The following MED15 variants were observed in gnomAD, a reference collection of about 807,000 sequenced individuals.
The protein encoded by MED15 is mediator of RNA polymerase II transcription subunit 15.
A neutral mutation model predicts 118.7 loss-of-function variants in MED15; 41 were observed. The observed-to-expected ratio is 0.35, with a 90% CI of 0.27 to 0.45. MED15 has a LOEUF of 0.45. MED15 is among the 20% of genes least tolerant of loss of function. The pLI, the probability that MED15 is intolerant of heterozygous loss-of-function variation, is 1.00. For synonymous variants in MED15, 436 were observed against 413.9 expected (o/e 1.05, Z -0.65); for missense variants, 740 against 1,025.5 (o/e 0.72, Z 3.80).
At chr22:20,580,779 C>T (rs144909947) in intron 9 of MED15, among the ~76,000 whole-genome samples, 6 of 152,306 alleles carry the variant, frequency 3.9e-5, no homozygotes, top group East Asian at 3.9e-4. Context: ...ACCCCAGCAC[C>T]GTGAATGCAC....
intron 2 of MED15, among the ~76,000 whole-genome samples, chr22:20,548,093 T>G (rs1300115011): frequency 3.3e-5 from 5 of 152,146 alleles, no homozygotes; most frequent in Non-Finnish European, 7.4e-5. Flanking sequence ...TACTCCTACT[T>G]TATCCTTCCA....
intron 8 of MED15, among the ~76,000 whole-genome samples, chr22:20,568,960 C>A (rs142423340): frequency 4.4e-4 from 67 of 152,300 alleles, no homozygotes; most frequent in Admixed American, 3.4e-3. Flanking sequence ...TTCTCCTCAC[C>A]TCTCATCTTC....
chr22:20,551,725 TG>T (rs1450315899), intron 3 of MED15: 2 of 572,878 alleles, frequency 3.5e-6, no homozygotes, highest in Non-Finnish European at 6.2e-6. Context: ...GTCCTCAAAG[TG>T]GTCTAAACGG....
chr22:20,515,662 C>T (rs2054224198), intron 1 of MED15, among the ~76,000 whole-genome samples: 1 of 151,490 alleles, frequency 6.6e-6, no homozygotes, highest in Non-Finnish European at 1.5e-5. Context: ...TGGTGGCGGG[C>T]ACCTGTAGTC....
intron 3 of MED15, chr22:20,552,706 C>G: frequency 3.3e-6 from 1 of 305,244 alleles, no homozygotes; most frequent in East Asian, 1.1e-4. Context: ...GTTTCCTCAT[C>G]TAGGTAACAG....
chr22:20,563,700 T>C (rs1328726190), intron 5 of MED15, among the ~76,000 whole-genome samples: 1 of 152,206 alleles, frequency 6.6e-6, no homozygotes, highest in Admixed American at 6.5e-5. Context: ...AATGTTACCA[T>C]TGGAGGAAAC....
At chr22:20,530,951 C>G (rs948346966) in intron 1 of MED15, among the ~76,000 whole-genome samples, 5 of 152,156 alleles carry the variant, frequency 3.3e-5, no homozygotes, top group Admixed American at 3.3e-4. Context: ...AGGTTGTTGC[C>G]TGACTTATTT....
At chr22:20,586,348 A>G (rs1488642961) in intron 17 of MED15, among the ~76,000 whole-genome samples, 2 of 152,122 alleles carry the variant, frequency 1.3e-5, no homozygotes, top group Admixed American at 1.3e-4. Context: ...TGGGTCCCCA[A>G]GGTTGTTAGA....
intron 8 of MED15, among the ~76,000 whole-genome samples, chr22:20,571,475 C>A (rs1180346012): frequency 6.6e-6 from 1 of 152,232 alleles, no homozygotes; most frequent in African/African-American, 2.4e-5. Context: ...GCAGAGGAGC[C>A]TTGTAGTTTC....
At chr22:20,527,162 C>T (rs2054673883) in intron 1 of MED15, among the ~76,000 whole-genome samples, 1 of 152,026 alleles carries the variant, frequency 6.6e-6, no homozygotes, top group Non-Finnish European at 1.5e-5. Context: ...TGAGTCATTT[C>T]AGGGGAATCT....
Position 20,535,779 on chromosome 22 carries a change from G to T in MED15, c.69-1338G>T, listed in dbSNP as rs775883483. Among the ~76,000 whole-genome samples, 20 of 151,036 alleles carry T rather than the reference G, an allele frequency of 1.3e-4. No individual in the cohort carries two copies. The East Asian group carries it at 1.6e-3, about 12-fold the overall frequency. On this transcript the variant is annotated intron_variant, in intron 1 of 17. Transcript: ENST00000263205. ...TTTCACTGTGTTAGCCAGGATGGTC[G>T]TGCTCGCCTGACCTCGTGATCTGCC...
intron 6 of MED15, among the ~76,000 whole-genome samples, 170 bp downstream of exon 6, chr22:20,564,858 C>T (rs2056378626): frequency 6.6e-6 from 1 of 152,204 alleles, no homozygotes; most frequent in South Asian, 2.1e-4. Context: ...AGGCCGGGCC[C>T]AGTGGCTCAT....
At chr22:20,556,772 C>T (rs2056028508) in intron 5 of MED15, among the ~76,000 whole-genome samples, 1 of 152,220 alleles carries the variant, frequency 6.6e-6, no homozygotes, top group African/African-American at 2.4e-5. Context: ...CGCGCCCTCC[C>T]TCCAGCCTTA....
chr22:20,535,841 G>A (rs968195130), intron 1 of MED15, among the ~76,000 whole-genome samples: 2 of 149,064 alleles, frequency 1.3e-5, no homozygotes, highest in Non-Finnish European at 3.0e-5. Context: ...CTACAGGCGT[G>A]AGCCACCGTG....
chr22:20,534,010 C>T (rs553220321), intron 1 of MED15, among the ~76,000 whole-genome samples: 11 of 152,156 alleles, frequency 7.2e-5, no homozygotes, highest in Non-Finnish European at 1.3e-4. Context: ...CGGCCAGTAG[C>T]AGCTCAAAAG....
At chr22:20,582,479 G>C in intron 9 of MED15, 132 bp from the exon 10 acceptor site, 1 of 1,381,698 alleles carries the variant, frequency 7.2e-7, no homozygotes, top group Non-Finnish European at 9.8e-7. Context: ...TGTCCAGGTG[G>C]CATTTGGATG....
intron 13 of MED15, chr22:20,583,596 A>G (rs1037497410): frequency 3.0e-5 from 18 of 609,994 alleles, no homozygotes; most frequent in African/African-American, 7.4e-5. Flanking sequence ...CCTTTGCCCT[A>G]TTCCTGGCTG....
chr22:20,534,673 G>A (rs2054991647), intron 1 of MED15, among the ~76,000 whole-genome samples: 2 of 152,206 alleles, frequency 1.3e-5, no homozygotes, highest in Non-Finnish European at 2.9e-5. Flanking sequence ...ACTTCTTGGG[G>A]CCTAGCAGCT....
At position 20,568,526 on chromosome 22, in the gene MED15, A is replaced by G. The variant is rs779384300; in HGVS notation, c.1047A>G (p.Arg349=). Residue 349 remains arginine, a synonymous_variant, in exon 8 of 18, where the codon CGA becomes CGG. Transcript: ENST00000263205. ...LYTQPPLKFV[R]APMVVQQPPV... The stretch of plus-strand genomic sequence containing the variant: ...TTCTCTCTTTCTCCCTCAAGGTCCG[A>G]GCTCCGATGGTGGTGCAGCAGCCCC... The G allele has an allele frequency of 4.3e-6, 7 of 1,613,664 alleles. No homozygotes were observed. The highest frequency in any genetic ancestry group is 5.1e-6 in the Non-Finnish European group (6 of 1,179,992).
Sources: allele counts gnomAD v4.1 joint callset (sites outside exome capture counted in the v4.1 genomes callset), GRCh38; gene constraint gnomAD v4.1.1; transcripts MANE v1.5; gene names NCBI Gene and HGNC (gene_info 2026-07-23, HGNC 2026-07-21).